Variants in PTPRO observed in about 807,000 individuals in gnomAD.
PTPRO encodes the protein receptor-type tyrosine-protein phosphatase O.
Under a neutral mutation model 145.2 loss-of-function variants are expected in PTPRO, and 62 were observed. The observed-to-expected ratio is 0.43, with a 90% CI of 0.35 to 0.53. PTPRO has a LOEUF of 0.53. Among genes scored for constraint, PTPRO ranks in the 20% least tolerant of loss-of-function variants. The probability of loss-of-function intolerance (pLI) is 0.01; values close to 1 mark genes in which losing one functional copy is unlikely to be tolerated. For synonymous variants in PTPRO, 565 were observed against 514.7 expected (o/e 1.10, Z -1.32); for missense variants, 1,345 against 1,482.7 (o/e 0.91, Z 1.53).
chr12:15,439,940 G>A (rs1940712961), intron 1 of PTPRO: 5 of 680,406 alleles, frequency 7.3e-6, no homozygotes, highest in Admixed American at 2.0e-5. Context: ...CATCGGTCTG[G>A]GTGTTAAGTG....
intron 12 of PTPRO, among the ~76,000 whole-genome samples, chr12:15,538,784 A>G (rs1043569628): frequency 6.6e-6 from 1 of 152,202 alleles, no homozygotes; most frequent in Non-Finnish European, 1.5e-5. Flanking sequence ...GATTGGGAGG[A>G]AAACAGGTGT....
At chr12:15,579,312 C>T (rs1189197917) in intron 20 of PTPRO, among the ~76,000 whole-genome samples, 2 of 152,154 alleles carry the variant, frequency 1.3e-5, no homozygotes, top group South Asian at 2.1e-4. Flanking sequence ...TATTAAAATG[C>T]CTTCTCTAAC....
chr12:15,392,932 G>A (rs140760734), intron 1 of PTPRO, among the ~76,000 whole-genome samples: 1 of 152,086 alleles, frequency 6.6e-6, no homozygotes, highest in East Asian at 1.9e-4. Flanking sequence ...CTCCCTGATG[G>A]GCATTAAAAT....
intron 1 of PTPRO, among the ~76,000 whole-genome samples, chr12:15,420,601 C>G (rs536771089): frequency 6.6e-6 from 1 of 151,600 alleles, no homozygotes; most frequent in Non-Finnish European, 1.5e-5. Flanking sequence ...AGTGATTAGA[C>G]GAAATACTAT....
chr12:15,380,998 C>T (rs868319621), intron 1 of PTPRO, among the ~76,000 whole-genome samples: 34 of 152,222 alleles, frequency 2.2e-4, no homozygotes, highest in African/African-American at 7.9e-4. Context: ...GTTTTGAAGA[C>T]ATAGCATAAT....
intron 25 of PTPRO, among the ~76,000 whole-genome samples, chr12:15,592,386 C>G (rs946047404): frequency 1.1e-4 from 16 of 152,114 alleles, no homozygotes; most frequent in African/African-American, 3.6e-4. Context: ...TATAATCAAC[C>G]CACATAGACC....
chr12:15,442,734 C>T (rs115531128), intron 1 of PTPRO, among the ~76,000 whole-genome samples: 4,365 of 151,886 alleles, frequency 0.029, 224 homozygotes, highest in African/African-American at 0.099. Context: ...AAATGCAATC[C>T]GATTTACAAT....
Position 15,595,035 on chromosome 12 carries a change from G to A in PTPRO, c.3645G>A (p.Lys1215=). 6.2e-7 allele frequency: 1 copy of A among 1,612,986 alleles called. No individual in the cohort carries two copies. Among genetic ancestry groups the A allele is most frequent in the African/African-American group, 1.3e-5 (1 of 75,040 alleles). Residue 1215 remains lysine (K), a synonymous_variant, in exon 26 of 27, where the codon AAG becomes AAA. Coordinates refer to ENST00000281171, the MANE Select transcript of PTPRO (RefSeq NM_030667.3). ...ISDVIYENVS[K]S ...ATGTCATATACGAGAATGTTAGCAA[G>A]TCCTAGTTCAGAATCCGGAGCAGTA...
intron 16 of PTPRO, among the ~76,000 whole-genome samples, chr12:15,559,754 G>A (rs567464677): frequency 1.3e-5 from 2 of 152,104 alleles, no homozygotes; most frequent in African/African-American, 2.4e-5. Context: ...TATGTAAACT[G>A]ACCATTTTTA....
intron 1 of PTPRO, among the ~76,000 whole-genome samples, chr12:15,371,503 G>A (rs1029148928): frequency 6.6e-5 from 10 of 151,978 alleles, no homozygotes; most frequent in African/African-American, 1.9e-4. Flanking sequence ...AAAATGCTGG[G>A]ATTACAGGCA....
At chr12:15,589,167 G>T (rs143761091) in intron 24 of PTPRO, among the ~76,000 whole-genome samples, 1 of 152,282 alleles carries the variant, frequency 6.6e-6, no homozygotes, top group Non-Finnish European at 1.5e-5. Flanking sequence ...CCTGAGGTCA[G>T]AAGTTCAAGA....
intron 17 of PTPRO, among the ~76,000 whole-genome samples, chr12:15,561,608 A>G (rs1943774535): frequency 6.6e-6 from 1 of 152,002 alleles, no homozygotes; most frequent in South Asian, 2.1e-4. Flanking sequence ...AGCACAGTCA[A>G]CTCCGTATTT....
At chr12:15,430,497 G>A (rs1940405587) in intron 1 of PTPRO, among the ~76,000 whole-genome samples, 1 of 152,130 alleles carries the variant, frequency 6.6e-6, no homozygotes, top group South Asian at 2.1e-4. Context: ...GCAAAGATAA[G>A]ATGTGACAAG....
chr12:15,496,690 C>T (rs997996082), intron 2 of PTPRO, among the ~76,000 whole-genome samples: 5 of 152,086 alleles, frequency 3.3e-5, no homozygotes, highest in Non-Finnish European at 7.4e-5. Context: ...CACCACAAAA[C>T]ATATGTTTTA....
chr12:15,415,693 A>G (rs1384033641), intron 1 of PTPRO, among the ~76,000 whole-genome samples: 1 of 151,724 alleles, frequency 6.6e-6, no homozygotes, highest in African/African-American at 2.4e-5. Context: ...CCTATGTGAA[A>G]TGAATTTATT....
At chr12:15,333,992 T>C (rs1332056713) in intron 1 of PTPRO, among the ~76,000 whole-genome samples, 1 of 152,180 alleles carries the variant, frequency 6.6e-6, no homozygotes, top group African/African-American at 2.4e-5. Flanking sequence ...AATGTAAAAC[T>C]TTGTTTTTAT....
chr12:15,576,082 A>G (rs1944179167), intron 19 of PTPRO, among the ~76,000 whole-genome samples: 1 of 152,260 alleles, frequency 6.6e-6, no homozygotes, highest in Admixed American at 6.5e-5. Context: ...AATTATATTT[A>G]GAAACAAAAC....
intron 18 of PTPRO, among the ~76,000 whole-genome samples, chr12:15,565,894 G>A (rs1943886383): frequency 6.6e-6 from 1 of 152,152 alleles, no homozygotes; most frequent in South Asian, 2.1e-4. Context: ...AATTTTTAAA[G>A]TCTTGGAGGA....
At chr12:15,366,923 TA>T (rs1326421248) in intron 1 of PTPRO, among the ~76,000 whole-genome samples, 6 of 152,006 alleles carry the variant, frequency 3.9e-5, no homozygotes, top group Admixed American at 1.3e-4. Flanking sequence ...ATTTTGCAAT[TA>T]AAAAATACAG....
Sources: allele counts gnomAD v4.1 joint callset (sites outside exome capture counted in the v4.1 genomes callset), GRCh38; gene constraint gnomAD v4.1.1; transcripts MANE v1.5; gene names NCBI Gene and HGNC (gene_info 2026-07-23, HGNC 2026-07-21).